Variants in CERKL observed in about 807,000 individuals in gnomAD.
CERKL encodes the protein CERK like autophagy regulator, also known as ceramide kinase-like protein.
A neutral mutation model predicts 63.4 loss-of-function variants in CERKL; 61 were observed. The observed-to-expected ratio is 0.96, with a 90% CI of 0.78 to 1.19. The LOEUF is 1.19. Ranked by LOEUF, CERKL falls within the 50% of genes most tolerant of loss-of-function variation. CERKL has a pLI of 0.00. For synonymous variants in CERKL, 250 were observed against 230.5 expected, an observed-to-expected ratio of 1.08 and a Z score of -0.77; for missense variants, 675 against 655.5, an observed-to-expected ratio of 1.03 and a Z score of -0.33.
At chr2:181,596,873 G>A (rs566019670) in intron 2 of CERKL, among the ~76,000 whole-genome samples, 13 of 152,076 alleles carry the variant, frequency 8.5e-5, no homozygotes, top group South Asian at 4.2e-4. Context: ...CTCAATCCTC[G>A]GACTCAGGAA....
In CERKL at chr2:181,630,717, A is replaced by G. The variant is rs1024543985; in HGVS notation, c.238+26052T>C. ...CTAGCCTCAAGAACTGTGAGAAGAT[A>G]AATTTCTGTTCAAGCCTCCCAGGCT... On this transcript the variant is annotated intron_variant, in intron 1 of 12. Coordinates refer to ENST00000410087, the MANE Select transcript of CERKL (RefSeq NM_201548.5). Among the ~76,000 whole-genome samples, 13 of 152,308 alleles carry G rather than the reference A, an allele frequency of 8.5e-5. No homozygotes were observed. In the East Asian group the frequency reaches 2.3e-3, roughly 27 times the overall value.
chr2:181,582,516 C>CATATATATATATATAT (rs59483712), intron 2 of CERKL, among the ~76,000 whole-genome samples: 12 of 142,894 alleles, frequency 8.4e-5, no homozygotes, highest in African/African-American at 3.1e-4. Context: ...ATATTGTCAA[C>CATATATATATATATAT]ATATATATAT....
At chr2:181,641,352 T>TAC (rs1687432221) in intron 1 of CERKL, among the ~76,000 whole-genome samples, 2 of 17,428 alleles carry the variant, frequency 1.1e-4, no homozygotes, top group Admixed American at 6.8e-4. Flanking sequence ...TATACATATA[T>TAC]ATACACATAT....
intron 6 of CERKL, 143 bp downstream of exon 6, chr2:181,549,491 T>G (rs1687890083): frequency 1.5e-6 from 1 of 674,280 alleles, no homozygotes; most frequent in Non-Finnish European, 2.7e-6. Context: ...AAGCATTGCC[T>G]TTTGGTTTTT....
chr2:181,554,204 G>A (rs1688108265), intron 5 of CERKL, among the ~76,000 whole-genome samples: 2 of 146,008 alleles, frequency 1.4e-5, no homozygotes, highest in Admixed American at 6.9e-5. Context: ...GGAAGTGCAA[G>A]CACTTCTGCA....
At chr2:181,599,240 T>C (rs774697244) in intron 2 of CERKL, among the ~76,000 whole-genome samples, 1 of 151,874 alleles carries the variant, frequency 6.6e-6, no homozygotes, top group Non-Finnish European at 1.5e-5. Flanking sequence ...AACATCAAAA[T>C]ACACTTGGAA....
chr2:181,651,329 A>G (rs1209669068), intron 1 of CERKL, among the ~76,000 whole-genome samples: 1 of 152,236 alleles, frequency 6.6e-6, no homozygotes, highest in Non-Finnish European at 1.5e-5. Context: ...GCTACATTCA[A>G]GTGCGATTCA....
Position 181,599,659 on chromosome 2 carries a change from A to G in CERKL, c.481+4178T>C. ...CAAATTAACCCAGTTAGACAAACAT[A>G]AAGAATCTGAAAAATGAACAAAGCC... On this transcript the variant is annotated intron_variant, in intron 2 of 12. Transcript: ENST00000410087. Among the ~76,000 whole-genome samples, 2 of 152,006 alleles carry G rather than the reference A, an allele frequency of 1.3e-5. 1 individual carries two copies. Among genetic ancestry groups the G allele is most frequent in the East Asian group, 3.9e-4 (2 of 5,170 alleles).
At chr2:181,630,981 C>A (rs1324195200) in intron 1 of CERKL, among the ~76,000 whole-genome samples, 4 of 152,120 alleles carry the variant, frequency 2.6e-5, no homozygotes, top group Non-Finnish European at 4.4e-5. Context: ...GAGTGAAAAA[C>A]CAAATAATTT....
At chr2:181,635,041 T>C (rs181428984) in intron 1 of CERKL, among the ~76,000 whole-genome samples, 4 of 152,308 alleles carry the variant, frequency 2.6e-5, no homozygotes, top group African/African-American at 9.6e-5. Context: ...TTGGGACTCA[T>C]ATTATTCTCT....
chr2:181,603,224 T>G (rs1226174928), intron 2 of CERKL: 1 of 181,808 alleles, frequency 5.5e-6, no homozygotes, highest in Non-Finnish European at 1.2e-5. Context: ...AAATACACAC[T>G]TGCCATCAAT....
chr2:181,539,010 T>C, intron 12 of CERKL, 82 bp downstream of exon 12: 2 of 1,026,624 alleles, frequency 1.9e-6, no homozygotes, highest in Non-Finnish European at 3.1e-6. Context: ...CCTGCTTTGA[T>C]AGTTCAGAGA....
chr2:181,573,262 A>C (rs16867449), intron 3 of CERKL, among the ~76,000 whole-genome samples: 2,927 of 152,276 alleles, frequency 0.019, 72 homozygotes, highest in African/African-American at 0.064. Context: ...TTAGACAACA[A>C]ATTTAAGCTT....
intron 1 of CERKL, among the ~76,000 whole-genome samples, chr2:181,639,663 A>C (rs1367106923): frequency 6.6e-6 from 1 of 152,162 alleles, no homozygotes; most frequent in Non-Finnish European, 1.5e-5. Context: ...TTGCTTGCTT[A>C]ACTGGGGAAG....
chr2:181,645,411 C>A (rs1168368230), intron 1 of CERKL, among the ~76,000 whole-genome samples: 2 of 152,238 alleles, frequency 1.3e-5, no homozygotes, highest in Non-Finnish European at 2.9e-5. Flanking sequence ...TTCTGAATAT[C>A]TTCCCTCTCC....
chr2:181,653,816 GAATA>G (rs947186541), intron 1 of CERKL, among the ~76,000 whole-genome samples: 1 of 152,144 alleles, frequency 6.6e-6, no homozygotes, highest in Non-Finnish European at 1.5e-5. Flanking sequence ...TAGGTAGGAA[GAATA>G]AATTCTGGTG....
At chr2:181,641,000 C>T (rs79855750) in intron 1 of CERKL, among the ~76,000 whole-genome samples, 1 of 152,178 alleles carries the variant, frequency 6.6e-6, no homozygotes, top group African/African-American at 2.4e-5. Context: ...CCTTCAGATG[C>T]TGCCATGTGG....
At chr2:181,604,189 A>G in intron 1 of CERKL, 110 bp from the exon 2 acceptor site, 1 of 818,112 alleles carries the variant, frequency 1.2e-6, no homozygotes, top group Non-Finnish European at 2.0e-6. Context: ...GAGGATCAAG[A>G]AAAATAACTA....
chr2:181,604,819 A>G (rs553093624), intron 1 of CERKL, among the ~76,000 whole-genome samples: 12 of 152,240 alleles, frequency 7.9e-5, no homozygotes, highest in Middle Eastern at 3.4e-3. Flanking sequence ...AACTCTGTCA[A>G]TCTAGGAGGA....
Sources: gnomAD v4.1 joint callset for allele counts (sites outside exome capture counted in the v4.1 genomes callset) on GRCh38, gnomAD v4.1.1 for gene constraint, MANE v1.5 for transcripts, NCBI Gene and HGNC (gene_info 2026-07-23, HGNC 2026-07-21) for gene names.